The following XYLT1 variants were observed in gnomAD, a reference collection of about 807,000 sequenced individuals.
XYLT1 encodes xylosyltransferase 1, also known as beta-D-xylosyltransferase 1.
Under a neutral mutation model 91.3 loss-of-function variants are expected in XYLT1, and 36 were observed. The ratio of observed to expected loss-of-function variants is 0.39; its 90% confidence interval spans 0.30 to 0.52. The LOEUF is 0.52. Ranked by LOEUF, XYLT1 falls within the 20% of genes least tolerant of loss-of-function variation. XYLT1 has a pLI of 0.68. For missense variants in XYLT1, 1,242 were observed against 1,284.5 expected, an observed-to-expected ratio of 0.97 and a Z score of 0.51; for synonymous variants, 588 against 532.0, an observed-to-expected ratio of 1.11 and a Z score of -1.45.
chr16:17,385,002 C>T (rs1442221862), intron 1 of XYLT1, among the ~76,000 whole-genome samples: 1 of 151,746 alleles, frequency 6.6e-6, no homozygotes, highest in Admixed American at 6.6e-5. Context: ...TTCCCAGCAT[C>T]GGGCCTGGAG....
At position 17,103,335 on chromosome 16, in the gene XYLT1, G is replaced by A. The variant is rs1179454066; in HGVS notation, c.*5360C>T. 6.6e-6 allele frequency: 1 copy of A among 152,662 alleles called. No homozygotes were observed. Among genetic ancestry groups the A allele is most frequent in the Non-Finnish European group, 1.5e-5 (1 of 68,040 alleles). The allele number at this position is 152,662 out of a possible 1,614,324, so 9.5% of individuals were successfully genotyped here. A position where few individuals can be genotyped will look rare whatever the true frequency, so the allele number is the denominator to read the frequency against. The stretch of plus-strand genomic sequence containing the variant: ...TATGCTCTGAGAGAGTGCTTCAGGA[G>A]TTGGCTGAGCTTTAGATGAGCACCC... On this transcript the variant is annotated 3_prime_UTR_variant, in exon 12 of 12. Transcript: ENST00000261381.
chr16:17,225,652 G>A (rs1471591589), intron 3 of XYLT1, among the ~76,000 whole-genome samples: 1 of 151,962 alleles, frequency 6.6e-6, no homozygotes, highest in African/African-American at 2.4e-5. Flanking sequence ...TTGTTAGACA[G>A]CGAAATGGAA....
At chr16:17,297,849 G>A (rs879614821) in intron 2 of XYLT1, among the ~76,000 whole-genome samples, 2 of 152,020 alleles carry the variant, frequency 1.3e-5, no homozygotes, top group African/African-American at 2.4e-5. Flanking sequence ...GTGAAACCCC[G>A]CCTCTACTAA....
intron 1 of XYLT1, among the ~76,000 whole-genome samples, chr16:17,433,842 T>C (rs1455423774): frequency 2.0e-5 from 3 of 152,180 alleles, no homozygotes; most frequent in Non-Finnish European, 4.4e-5. Context: ...ATATCTAAGA[T>C]ACTGGAGAAT....
chr16:17,175,138 C>A (rs2031913010), intron 5 of XYLT1, among the ~76,000 whole-genome samples: 1 of 151,858 alleles, frequency 6.6e-6, no homozygotes, highest in Non-Finnish European at 1.5e-5. Context: ...CAGTTGAACC[C>A]CAAAATTTCA....
At chr16:17,236,814 G>A (rs556402869) in intron 3 of XYLT1, among the ~76,000 whole-genome samples, 32 of 152,218 alleles carry the variant, frequency 2.1e-4, no homozygotes, top group South Asian at 1.0e-3. Flanking sequence ...GGGTCTGAAC[G>A]TCCTCTTTTT....
chr16:17,246,865 A>T (rs1420025683), intron 3 of XYLT1, among the ~76,000 whole-genome samples: 3 of 152,178 alleles, frequency 2.0e-5, no homozygotes, highest in Admixed American at 2.0e-4. Context: ...TGTGGGCTAC[A>T]GAGCACTCCA....
chr16:17,140,082 A>G (rs571879845), intron 7 of XYLT1, among the ~76,000 whole-genome samples: 13 of 152,322 alleles, frequency 8.5e-5, no homozygotes, highest in African/African-American at 3.1e-4. Flanking sequence ...ATGAGGGTGC[A>G]ATCAACCTGG....
At chr16:17,128,421 C>T (rs970880408) in intron 9 of XYLT1, among the ~76,000 whole-genome samples, 1 of 152,148 alleles carries the variant, frequency 6.6e-6, no homozygotes, top group African/African-American at 2.4e-5. Flanking sequence ...TTTGATAGAG[C>T]AAGTTCTCTA....
At chr16:17,275,624 C>T (rs919684195) in intron 2 of XYLT1, among the ~76,000 whole-genome samples, 3 of 152,210 alleles carry the variant, frequency 2.0e-5, no homozygotes, top group Non-Finnish European at 2.9e-5. Context: ...CTCCTGAAAG[C>T]CACAAACCAC....
intron 6 of XYLT1, among the ~76,000 whole-genome samples, chr16:17,152,353 T>C (rs1374231869): frequency 9.2e-5 from 14 of 152,206 alleles, no homozygotes; most frequent in Non-Finnish European, 1.5e-5. Flanking sequence ...GCTGCTATAA[T>C]TGGATTAAAT....
At chr16:17,248,012 C>T (rs1248590572) in intron 3 of XYLT1, among the ~76,000 whole-genome samples, 1 of 152,156 alleles carries the variant, frequency 6.6e-6, no homozygotes, top group African/African-American at 2.4e-5. Flanking sequence ...CAGACCCTTA[C>T]CTTTGGGGCT....
intron 1 of XYLT1, among the ~76,000 whole-genome samples, chr16:17,379,728 A>ATCTCTCTCTCTC (rs71137986): frequency 1.6e-5 from 2 of 125,818 alleles, no homozygotes; most frequent in African/African-American, 3.3e-5. Flanking sequence ...AATGAAGGAT[A>ATCTCTCTCTCTC]TCTCTCTCTC....
chr16:17,259,167 C>T lies in XYLT1; in HGVS notation c.734G>A (p.Ser245Asn), dbSNP rs751173104. 6.3e-7 allele frequency: 1 copy of T among 1,599,116 alleles called. No individual in the cohort carries two copies. Among genetic ancestry groups the T allele is most frequent in the South Asian group, 1.1e-5 (1 of 89,942 alleles). The change falls in exon 3 of 12, where the codon AGC becomes AAC. Residue 245 changes from serine to asparagine, a missense_variant. Ser to Asn is a conservative substitution (Grantham distance 46). This residue lies in a region of XYLT1 where 437 missense variants were observed against 411.5 expected (regional missense o/e 1.06). Transcript: ENST00000261381. Reference protein sequence around the residue: ...RPPHARKTGGSSPETKYDQPP... With the variant: ...RPPHARKTGGNSPETKYDQPP... ...CTGGTCATACTTGGTCTCGGGGGAG[C>T]TGCCCCCAGTTTTCCTGGCATGAGG...
At chr16:17,144,229 G>A (rs1031627431) in intron 6 of XYLT1, among the ~76,000 whole-genome samples, 4 of 152,148 alleles carry the variant, frequency 2.6e-5, no homozygotes, top group Non-Finnish European at 4.4e-5. Context: ...AGTGCTTAGC[G>A]AGTATTCACA....
chr16:17,374,408 G>C (rs1334046871), intron 1 of XYLT1, among the ~76,000 whole-genome samples: 1 of 150,658 alleles, frequency 6.6e-6, no homozygotes, highest in Non-Finnish European at 1.5e-5. Context: ...ATCAGGATCA[G>C]CCTTCACTCC....
At chr16:17,425,409 C>CAGCT (rs1222200576) in intron 1 of XYLT1, among the ~76,000 whole-genome samples, 2 of 152,150 alleles carry the variant, frequency 1.3e-5, no homozygotes, top group East Asian at 3.9e-4. Flanking sequence ...GGACACCATG[C>CAGCT]AGCTCCCTTC....
chr16:17,327,680 C>G (rs1357069820), intron 2 of XYLT1, among the ~76,000 whole-genome samples: 1 of 148,772 alleles, frequency 6.7e-6, no homozygotes, highest in East Asian at 2.1e-4. Context: ...CCACGCCTGG[C>G]CAACAACTGC....
chr16:17,355,615 C>CA (rs1596499538), intron 2 of XYLT1, among the ~76,000 whole-genome samples: 1 of 151,938 alleles, frequency 6.6e-6, no homozygotes, highest in African/African-American at 2.4e-5. Flanking sequence ...TAATGTTGTG[C>CA]AAAAAAATAT....
Sources: allele counts gnomAD v4.1 joint callset (sites outside exome capture counted in the v4.1 genomes callset), GRCh38; gene constraint gnomAD v4.1.1; regional missense constraint gnomAD v4.1.1; transcripts MANE v1.5; gene names NCBI Gene and HGNC (gene_info 2026-07-23, HGNC 2026-07-21).